Variants in NME1 observed in about 807,000 individuals in gnomAD.
NME1 encodes nucleoside diphosphate kinase A.
Under a neutral mutation model 17.2 loss-of-function variants are expected in NME1, and 9 were observed. The ratio of observed to expected loss-of-function variants is 0.52; its 90% CI spans 0.32 to 0.92. NME1 has a LOEUF of 0.92. Among genes scored for constraint, NME1 ranks in the 40% least tolerant of loss-of-function variants. The probability of loss-of-function intolerance (pLI) is 0.04; values close to 1 mark genes in which losing one functional copy is unlikely to be tolerated. For synonymous variants in NME1, 72 were observed against 70.8 expected (o/e 1.02, Z -0.09); for missense variants, 169 against 201.7 (o/e 0.84, Z 0.98).
At position 51,161,243 on chromosome 17, in the gene NME1, C is replaced by A. The variant is rs2049860794; in HGVS notation, c.312C>A (p.Ile104=). 1 of 1,612,222 alleles carries A rather than the reference C, an allele frequency of 6.2e-7. No homozygotes were observed. Among genetic ancestry groups the A allele is most frequent in the Admixed American group, 1.7e-5 (1 of 59,684 alleles). The change falls in exon 4 of 5, where the codon ATC becomes ATA. Residue 104 remains isoleucine, a synonymous_variant. Coordinates refer to ENST00000393196, the MANE Select transcript of NME1 (RefSeq NM_000269.3). ...TNPADSKPGT[I]RGDFCIQVGR... ...CTGCAGACTCCAAGCCTGGGACCAT[C>A]CGTGGAGACTTCTGCATACAAGTTG...
At chr17:51,155,592 G>A in intron 1 of NME1, 59 bp from the exon 2 acceptor site, 1 of 1,607,378 alleles carries the variant, frequency 6.2e-7, no homozygotes, top group Non-Finnish European at 8.5e-7. Context: ...GCTTGAGACG[G>A]ATGACGCTGT....
At chr17:51,161,397 T>C in intron 4 of NME1, 125 bp downstream of exon 4, 1 of 981,280 alleles carries the variant, frequency 1.0e-6, no homozygotes, top group Admixed American at 2.0e-5. Context: ...GTTTATTGTT[T>C]TCCTCCCTCT....
chr17:51,160,604 G>T (rs6504696), intron 3 of NME1: 40,386 of 232,416 alleles, frequency 0.17, 4,367 homozygotes, highest in African/African-American at 0.27. Context: ...TTCACACTTG[G>T]CATTTCTTTT....
chr17:51,161,367 T>C, intron 4 of NME1, 95 bp downstream of exon 4: 12 of 1,171,346 alleles, frequency 1.0e-5, no homozygotes, highest in African/African-American at 1.5e-5. Flanking sequence ...TGATACCATA[T>C]GCAGGTTGAT....
chr17:51,155,925 G>T, intron 2 of NME1, 145 bp downstream of exon 2: 1 of 1,338,398 alleles, frequency 7.5e-7, no homozygotes, highest in South Asian at 1.2e-5. Context: ...ACTCCTCAGT[G>T]CCCTAGCGTT....
intron 1 of NME1, among the ~76,000 whole-genome samples, chr17:51,154,838 T>C (rs1238292560): frequency 2.0e-5 from 3 of 152,228 alleles, no homozygotes; most frequent in Non-Finnish European, 4.4e-5. Flanking sequence ...CAGTGTAGTT[T>C]CTCCCAAGCT....
intron 3 of NME1, 71 bp downstream of exon 3, chr17:51,160,152 C>T (rs754177739): frequency 6.5e-7 from 1 of 1,541,158 alleles, no homozygotes; most frequent in Non-Finnish European, 9.0e-7. Context: ...CTTCTAGACA[C>T]TGGGGATACA....
chr17:51,159,026 C>T (rs970119084), intron 2 of NME1, among the ~76,000 whole-genome samples: 8 of 152,144 alleles, frequency 5.3e-5, no homozygotes, highest in South Asian at 2.1e-4. Flanking sequence ...GTGAAGCATC[C>T]CTGGGTAATG....
At position 51,158,049 on chromosome 17, in the gene NME1, G is replaced by A. The variant is rs2049811925; in HGVS notation, c.127-1931G>A. 3.3e-5 allele frequency among the ~76,000 whole-genome samples: 5 copies of A among 152,330 alleles called. No individual in the cohort carries two copies. In the South Asian group the frequency reaches 1.0e-3, roughly 32 times the overall value. ...AATCCCAGCATTTTGGGAGGTCAAGGTGGGTGGATCATCTGAGGTCAGGAG... is the reference window on the plus strand; with the variant it reads ...AATCCCAGCATTTTGGGAGGTCAAGATGGGTGGATCATCTGAGGTCAGGAG... On this transcript the variant is annotated intron_variant, in intron 2 of 4. Transcript: ENST00000393196.
chr17:51,161,402 C>T, intron 4 of NME1, 130 bp downstream of exon 4: 1 of 965,900 alleles, frequency 1.0e-6, no homozygotes, highest in South Asian at 1.4e-5. Context: ...TTGTTTTCCT[C>T]CCTCTTAAGT....
Position 51,161,732 on chromosome 17 carries a change from A to G in NME1, c.346A>G (p.Ile116Val), listed in dbSNP as rs769974978. ...ACTATCTCTTTCTCCACCCAGGAAC[A>G]TTATACATGGCAGTGATTCTGTGGA... ...GDFCIQVGRN[I>V]IHGSDSVESA... The change falls in exon 5 of 5, where the codon ATT becomes GTT. Residue 116 changes from isoleucine (I) to valine (V), a missense_variant. Ile to Val is a conservative substitution (Grantham distance 29). Transcript: ENST00000393196. The G allele has an allele frequency of 1.2e-6, 2 of 1,612,354 alleles. No individual in the cohort carries two copies. The highest frequency in any genetic ancestry group is 2.2e-5 in the East Asian group (1 of 44,880).
chr17:51,156,798 A>G (rs1028920925), intron 2 of NME1, among the ~76,000 whole-genome samples: 3 of 151,136 alleles, frequency 2.0e-5, no homozygotes, highest in African/African-American at 7.3e-5. Flanking sequence ...AGGCTGAGAC[A>G]GGAGAATCGC....
intron 2 of NME1, among the ~76,000 whole-genome samples, chr17:51,157,308 C>T (rs1452448140): frequency 6.6e-6 from 1 of 152,172 alleles, no homozygotes; most frequent in Non-Finnish European, 1.5e-5. Flanking sequence ...GGTCAAGGAG[C>T]TGGCATCTAA....
rs199957919 is a variant in NME1 at position 51,161,891 on chromosome 17, C to T, written c.*46C>T. 8 of 1,220,850 alleles carry T rather than the reference C, an allele frequency of 6.6e-6. No homozygotes were observed. The highest frequency in any genetic ancestry group is 8.5e-6 in the Non-Finnish European group (7 of 822,706). The allele number at this position is 1,220,850 out of a possible 1,614,324, so 75.6% of individuals were successfully genotyped here. ...CTTTTCACATCCATTTCCCCTCCTT[C>T]CCATGGGCAGAGGACCAGGCTGTAG... On this transcript the variant is annotated 3_prime_UTR_variant, in exon 5 of 5. Transcript: ENST00000393196.
downstream of NME1, chr17:51,162,168 AC>A (rs1251248071): frequency 1.2e-5 from 3 of 250,776 alleles, no homozygotes; most frequent in African/African-American, 6.7e-5. Flanking sequence ...TCTCACATAC[AC>A]ACAGGCATTC....
At chr17:51,157,217 GAAAA>G (rs1218042083) in intron 2 of NME1, among the ~76,000 whole-genome samples, 1 of 151,406 alleles carries the variant, frequency 6.6e-6, no homozygotes, top group African/African-American at 2.4e-5. Flanking sequence ...CAAAAAAAAA[GAAAA>G]AAAAGAAAAG....
intron 1 of NME1, chr17:51,154,443 G>A (rs1366164256): frequency 1.2e-6 from 2 of 1,613,622 alleles, no homozygotes; most frequent in Non-Finnish European, 1.7e-6. Flanking sequence ...CTGTGATACA[G>A]GGTAGGTCAT....
In NME1 at chr17:51,161,735, A is replaced by G; in HGVS notation, c.349A>G (p.Ile117Val). The G allele has an allele frequency of 6.2e-7, 1 of 1,612,676 alleles. No homozygotes were observed. The highest frequency in any genetic ancestry group is 8.5e-7 in the Non-Finnish European group (1 of 1,178,642). Reference sequence around the variant, plus strand: ...ATCTCTTTCTCCACCCAGGAACATTATACATGGCAGTGATTCTGTGGAGAG... The same window carrying G: ...ATCTCTTTCTCCACCCAGGAACATTGTACATGGCAGTGATTCTGTGGAGAG... The part of the protein sequence containing the change: ...DFCIQVGRNI[I>V]HGSDSVESAE... The change falls in exon 5 of 5, where the codon ATA (isoleucine) becomes GTA (valine). Residue 117 changes from isoleucine to valine, a missense_variant. Transcript: ENST00000393196.
At chr17:51,155,957 C>A in intron 2 of NME1, 177 bp downstream of exon 2, 1 of 950,780 alleles carries the variant, frequency 1.1e-6, no homozygotes, top group Non-Finnish European at 1.6e-6. Flanking sequence ...TGGAACAAAC[C>A]AAGTTATTTA....
Sources: gnomAD v4.1 joint callset for allele counts (sites outside exome capture counted in the v4.1 genomes callset) on GRCh38, gnomAD v4.1.1 for gene constraint, MANE v1.5 for transcripts, NCBI Gene and HGNC (gene_info 2026-07-23, HGNC 2026-07-21) for gene names.